SEMA3E: variants seen among roughly 807,000 people sequenced by gnomAD.
SEMA3E encodes semaphorin-3E.
A neutral mutation model predicts 93.6 loss-of-function variants in SEMA3E; 49 were observed. That is an observed-to-expected ratio of 0.52 (90% CI 0.42 to 0.66). The LOEUF is 0.66. Among genes scored for constraint, SEMA3E ranks in the 30% least tolerant of loss-of-function variants. The pLI, the probability that SEMA3E is intolerant of heterozygous loss-of-function variation, is 0.00. For synonymous variants in SEMA3E, 363 were observed against 330.7 expected, an observed-to-expected ratio of 1.10 and a Z score of -1.06; for missense variants, 906 against 964.8, an observed-to-expected ratio of 0.94 and a Z score of 0.81.
At chr7:83,503,029 T>C (rs964221715) in intron 1 of SEMA3E, among the ~76,000 whole-genome samples, 1 of 143,874 alleles carries the variant, frequency 7.0e-6, no homozygotes, top group African/African-American at 2.6e-5. Context: ...TTTTTTTTGA[T>C]GTCAATAAGT....
At chr7:83,507,112 C>T (rs1489041004) in intron 1 of SEMA3E, among the ~76,000 whole-genome samples, 1 of 152,180 alleles carries the variant, frequency 6.6e-6, no homozygotes, top group Non-Finnish European at 1.5e-5. Flanking sequence ...CCCTAGACCC[C>T]AACTTTATCA....
intron 2 of SEMA3E, among the ~76,000 whole-genome samples, chr7:83,488,353 A>T (rs185195306): frequency 6.6e-6 from 1 of 152,194 alleles, no homozygotes; most frequent in African/African-American, 2.4e-5. Context: ...AAAAAGAGAG[A>T]TGCTAAGAGA....
chr7:83,547,933 A>G (rs1307625300), intron 1 of SEMA3E, among the ~76,000 whole-genome samples: 2 of 152,108 alleles, frequency 1.3e-5, no homozygotes, highest in Admixed American at 6.6e-5. Context: ...CAAGATGAGG[A>G]ACTGGTAGCA....
Position 83,405,973 on chromosome 7 carries a change from A to G in SEMA3E, c.900T>C (p.Asn300=), listed in dbSNP as rs28505908. Residue 300 remains asparagine (N), a synonymous_variant, in exon 8 of 17, where the codon AAT becomes AAC. Coordinates refer to ENST00000643230, the MANE Select transcript of SEMA3E (RefSeq NM_012431.3). ...ARLVCSVPGM[N]GIDTYFDELE... is the part of the protein sequence containing the mutation. ...ATTCATCAAAATATGTGTCAATTCC[A>G]TTCATTCCTGGTACTGAGCAAACGA... 3,237 of 1,613,078 alleles carry G rather than the reference A, an allele frequency of 2.0e-3. 55 individuals carry two copies. In the African/African-American group the frequency reaches 0.038, roughly 19 times the overall value.
intron 1 of SEMA3E, among the ~76,000 whole-genome samples, chr7:83,575,575 A>T (rs1340877754): frequency 1.3e-5 from 2 of 152,088 alleles, no homozygotes; most frequent in Non-Finnish European, 2.9e-5. Context: ...AGCTCTCACA[A>T]AAAAACTATT....
intron 1 of SEMA3E, among the ~76,000 whole-genome samples, chr7:83,591,830 C>T (rs930949047): frequency 4.6e-5 from 7 of 151,992 alleles, no homozygotes; most frequent in Admixed American, 2.6e-4. Flanking sequence ...CTACTTGATA[C>T]AACAACTGGA....
At chr7:83,639,963 T>C (rs1793970377) in intron 1 of SEMA3E, among the ~76,000 whole-genome samples, 1 of 152,032 alleles carries the variant, frequency 6.6e-6, no homozygotes, top group Admixed American at 6.6e-5. Flanking sequence ...GACTCAGTGT[T>C]AGGAAAAAAG....
chr7:83,575,482 A>T (rs1257122236), intron 1 of SEMA3E, among the ~76,000 whole-genome samples: 1 of 152,176 alleles, frequency 6.6e-6, no homozygotes, highest in East Asian at 1.9e-4. Context: ...TAAATTCAAC[A>T]GGTATTTATT....
At chr7:83,626,186 T>C (rs1303451514) in intron 1 of SEMA3E, among the ~76,000 whole-genome samples, 1 of 152,064 alleles carries the variant, frequency 6.6e-6, no homozygotes, top group Non-Finnish European at 1.5e-5. Flanking sequence ...GTGTGTCTCT[T>C]CCAGGTTTTG....
At chr7:83,459,229 A>C (rs1383772402) in intron 4 of SEMA3E, among the ~76,000 whole-genome samples, 1 of 152,094 alleles carries the variant, frequency 6.6e-6, no homozygotes, top group Non-Finnish European at 1.5e-5. Context: ...GGAAACATCA[A>C]TAGGAATAAA....
chr7:83,464,168 T>C lies in SEMA3E; in HGVS notation c.456+2314A>G, dbSNP rs569807267. On this transcript the variant is annotated intron_variant, in intron 4 of 16. Transcript: ENST00000643230. ...TACGGTCCTCCGTCTTCAAGAAAAG[T>C]AGAATGGACTAAAGGTCTTTTAAAA... 4.3e-3 allele frequency among the ~76,000 whole-genome samples: 656 copies of C among 152,064 alleles called. 5 individuals carry two copies. The highest frequency in any genetic ancestry group is 0.014 in the African/African-American group (570 of 41,502).
At chr7:83,423,409 T>C (rs1208930787) in intron 4 of SEMA3E, among the ~76,000 whole-genome samples, 1 of 152,134 alleles carries the variant, frequency 6.6e-6, no homozygotes, top group Non-Finnish European at 1.5e-5. Flanking sequence ...ATTTATTTGA[T>C]TAATGGCTAA....
intron 1 of SEMA3E, among the ~76,000 whole-genome samples, chr7:83,520,045 G>T (rs1042306450): frequency 1.3e-5 from 2 of 152,060 alleles, no homozygotes; most frequent in East Asian, 3.9e-4. Context: ...TACAAATAAG[G>T]CTTACGATAA....
Position 83,648,448 on chromosome 7 carries a change from C to T in SEMA3E, c.95G>A (p.Arg32Gln), listed in dbSNP as rs1794109179. The T allele has an allele frequency of 1.2e-6, 2 of 1,609,762 alleles. No homozygotes were observed. The highest frequency in any genetic ancestry group is 1.7e-6 in the Non-Finnish European group (2 of 1,178,146). ...GGHTADTTHP[R>Q]LRLSHKELLN... is the part of the protein sequence containing the mutation. ...CCTACCTTTATGTGACAGGCGTAACCGGGGGTGGGTAGTATCAGCTGTATG... is the reference window on the plus strand; with the variant it reads ...CCTACCTTTATGTGACAGGCGTAACTGGGGGTGGGTAGTATCAGCTGTATG... Residue 32 changes from arginine (R) to glutamine (Q), a missense_variant, in exon 1 of 17, where the codon CGG becomes CAG. Arg to Gln is a conservative substitution (Grantham distance 43). Transcript: ENST00000643230.
intron 9 of SEMA3E, among the ~76,000 whole-genome samples, 161 bp downstream of exon 9, chr7:83,405,289 G>A (rs1788305044): frequency 6.6e-6 from 1 of 152,000 alleles, no homozygotes; most frequent in Non-Finnish European, 1.5e-5. Flanking sequence ...AAGTACATTT[G>A]CAAACGTTGG....
At chr7:83,560,211 T>G (rs2115831874) in intron 1 of SEMA3E, among the ~76,000 whole-genome samples, 1 of 152,216 alleles carries the variant, frequency 6.6e-6, no homozygotes. Flanking sequence ...TAATGTAAAC[T>G]ATGAACTTTG....
intron 1 of SEMA3E, among the ~76,000 whole-genome samples, chr7:83,575,447 G>A (rs1359196428): frequency 6.6e-6 from 1 of 151,884 alleles, no homozygotes; most frequent in Non-Finnish European, 1.5e-5. Context: ...ACATGTTATT[G>A]GATATACTTT....
In SEMA3E at chr7:83,463,118, G is replaced by GT. The variant is rs201483261; in HGVS notation, c.456+3363dup. ...CGGCATAATTCTCATAAAAACACAC[G>GT]TGCTCTCCCTGCAATCGTGTCCGAC... On this transcript the variant is annotated intron_variant, in intron 4 of 16. Transcript: ENST00000643230. Among the ~76,000 whole-genome samples the GT allele has an allele frequency of 2.8e-3, 425 of 150,760 alleles. 2 individuals carry two copies. Among genetic ancestry groups the GT allele is most frequent in the African/African-American group, 8.5e-3 (352 of 41,202 alleles).
chr7:83,499,113 A>T (rs1451321072), intron 1 of SEMA3E, among the ~76,000 whole-genome samples: 2 of 152,160 alleles, frequency 1.3e-5, no homozygotes, highest in African/African-American at 4.8e-5. Context: ...TGCAAATAAC[A>T]TTTTGTTGTA....
Sources: gnomAD v4.1 joint callset for allele counts (sites outside exome capture counted in the v4.1 genomes callset) on GRCh38, gnomAD v4.1.1 for gene constraint, MANE v1.5 for transcripts, NCBI Gene and HGNC (gene_info 2026-07-23, HGNC 2026-07-21) for gene names.